The following FANCM variants were observed in gnomAD, a reference collection of about 807,000 sequenced individuals.
The protein encoded by FANCM is FA complementation group M, also known as Fanconi anemia group M protein.
Under a neutral mutation model 199.5 loss-of-function variants are expected in FANCM, and 140 were observed. The ratio of observed to expected loss-of-function variants is 0.70; its 90% CI spans 0.61 to 0.81. FANCM has a LOEUF of 0.81. Ranked by LOEUF, FANCM falls within the 30% of genes least tolerant of loss-of-function variation. FANCM has a pLI of 0.00. For missense variants in FANCM, 2,410 were observed against 2,421.4 expected, an observed-to-expected ratio of 1.00 and a Z score of 0.10; for synonymous variants, 840 against 836.8, an observed-to-expected ratio of 1.00 and a Z score of -0.07.
chr14:45,147,042 C>T (rs886328854), intron 3 of FANCM, among the ~76,000 whole-genome samples: 2 of 152,084 alleles, frequency 1.3e-5, no homozygotes, highest in African/African-American at 2.4e-5. Flanking sequence ...GGTCGTTTCT[C>T]TGTCATTAAC....
intron 16 of FANCM, among the ~76,000 whole-genome samples, chr14:45,182,457 G>A (rs925230689): frequency 2.0e-5 from 3 of 152,170 alleles, no homozygotes; most frequent in Non-Finnish European, 2.9e-5. Flanking sequence ...TTTGGCTTGA[G>A]CTGTTTGGCA....
Position 45,189,077 on chromosome 14 carries a change from A to G in FANCM, c.5055A>G (p.Glu1685=), listed in dbSNP as rs1889594871. 6.2e-7 allele frequency: 1 copy of G among 1,614,082 alleles called. No homozygotes were observed. The highest frequency in any genetic ancestry group is 1.1e-5 in the South Asian group (1 of 91,096). The part of the protein sequence containing the change: ...EEENNVNDKR[E]SNIAVNPSTV... Reference sequence around the variant, plus strand: ...AGAACAATGTAAATGATAAAAGAGAATCTAATATTGCGGTTAACCCAAGCA... The same window carrying G: ...AGAACAATGTAAATGATAAAAGAGAGTCTAATATTGCGGTTAACCCAAGCA... Residue 1685 remains glutamate, a synonymous_variant, in exon 20 of 23, where the codon GAA becomes GAG. Coordinates refer to ENST00000267430, the MANE Select transcript of FANCM (RefSeq NM_020937.4).
chr14:45,149,374 G>A (rs1293277765), intron 4 of FANCM, among the ~76,000 whole-genome samples: 2 of 151,890 alleles, frequency 1.3e-5, no homozygotes, highest in East Asian at 1.9e-4. Context: ...GCACACACCC[G>A]TAACATGAAC....
Position 45,176,526 on chromosome 14 carries a change from GATCT to G in FANCM, c.3775_3778del (p.Leu1259MetfsTer10). The G allele has an allele frequency of 2.5e-6, 4 of 1,600,648 alleles. No homozygotes were observed. Among genetic ancestry groups the G allele is most frequent in the Non-Finnish European group, 3.4e-6 (4 of 1,173,426 alleles). On this transcript the variant is annotated frameshift_variant, in exon 14 of 23. Coordinates refer to ENST00000267430, the MANE Select transcript of FANCM (RefSeq NM_020937.4). LOFTEE classifies it high-confidence loss of function. ...ATCAGATAGCAATAGACCTCTAGAT[GATCT>G]ATATGGAAGGTATTTGGAAATTAAG...
intron 20 of FANCM, chr14:45,195,414 G>T: frequency 1.7e-5 from 7 of 409,172 alleles, no homozygotes; most frequent in Admixed American, 1.2e-4. Context: ...TTTCCTTTCT[G>T]TTTTTATGGA....
At chr14:45,173,001 T>C in intron 12 of FANCM, 54 bp from the exon 13 acceptor site, 1 of 1,356,976 alleles carries the variant, frequency 7.4e-7, no homozygotes, top group Non-Finnish European at 1.1e-6. Flanking sequence ...TTAAAATTAG[T>C]TTGTGAAATC....
Position 45,196,287 on chromosome 14 carries a change from GTA to G in FANCM, c.5458_5459del (p.Ile1820SerfsTer6). ...CTTCCGCAGGAAGGAAAAGGAACCT[GTA>G]TTCTTGTAGGTGGTCATGAAATCAC... On this transcript the variant is annotated frameshift_variant, in exon 21 of 23. Transcript: ENST00000267430. LOFTEE classifies it high-confidence loss of function. 6.2e-7 allele frequency: 1 copy of G among 1,614,118 alleles called. No individual in the cohort carries two copies. Among genetic ancestry groups the G allele is most frequent in the South Asian group, 1.1e-5 (1 of 91,080 alleles).
At chr14:45,151,281 C>T (rs1402565902) in intron 4 of FANCM, 116 bp from the exon 5 acceptor site, 2 of 818,638 alleles carry the variant, frequency 2.4e-6, no homozygotes, top group Non-Finnish European at 2.0e-6. Context: ...CTTAAACATT[C>T]ATTGTAAGAC....
At chr14:45,144,062 C>T (rs1374906778) in intron 3 of FANCM, among the ~76,000 whole-genome samples, 3 of 151,428 alleles carry the variant, frequency 2.0e-5, no homozygotes, top group Non-Finnish European at 2.9e-5. Context: ...TTTATGGGTA[C>T]ATAGTAGGTA....
At chr14:45,170,869 A>G in intron 12 of FANCM, 123 bp downstream of exon 12, 1 of 830,694 alleles carries the variant, frequency 1.2e-6, no homozygotes, top group East Asian at 2.6e-5. Context: ...TGTGATTGGA[A>G]TGTCAACTTA....
At chr14:45,190,977 C>A (rs979322355) in intron 20 of FANCM, among the ~76,000 whole-genome samples, 2 of 152,158 alleles carry the variant, frequency 1.3e-5, no homozygotes, top group East Asian at 1.9e-4. Context: ...ATGTGATCCT[C>A]CTACCTCAGC....
At chr14:45,157,971 CAG>C (rs1887316028) in intron 8 of FANCM, among the ~76,000 whole-genome samples, 1 of 151,982 alleles carries the variant, frequency 6.6e-6, no homozygotes, top group South Asian at 2.1e-4. Context: ...CTGAGGTGGG[CAG>C]ATCTCTTCAG....
In FANCM at chr14:45,138,117, TATTC is replaced by T. The variant is rs755698484; in HGVS notation, c.681+880_681+883del. Among the ~76,000 whole-genome samples the T allele has an allele frequency of 1.8e-4, 28 of 152,172 alleles. 1 individual carries two copies. The highest frequency in any genetic ancestry group is 7.3e-5 in the Non-Finnish European group (5 of 68,032). On this transcript the variant is annotated intron_variant, in intron 2 of 22. Coordinates refer to ENST00000267430, the MANE Select transcript of FANCM (RefSeq NM_020937.4). The stretch of plus-strand genomic sequence containing the variant: ...TGTCTATGAGGAATTCAGCTGTAGA[TATTC>T]ATTAGGCGATACTTGATAGAAGTAT...
chr14:45,139,409 C>A (rs1885752665), intron 2 of FANCM, among the ~76,000 whole-genome samples: 1 of 151,992 alleles, frequency 6.6e-6, no homozygotes, highest in South Asian at 2.1e-4. Context: ...ATTGTTTAAT[C>A]CTGTGTTTAA....
chr14:45,148,498 C>T (rs1315564895), intron 3 of FANCM, among the ~76,000 whole-genome samples: 2 of 152,028 alleles, frequency 1.3e-5, no homozygotes, highest in East Asian at 3.9e-4. Context: ...TTGAGTATTG[C>T]TAATCTGAAA....
chr14:45,194,411 G>A (rs978750358), intron 20 of FANCM, among the ~76,000 whole-genome samples: 1 of 151,438 alleles, frequency 6.6e-6, no homozygotes, highest in South Asian at 2.1e-4. Flanking sequence ...TACATACTTC[G>A]CTTTGTTTAT....
intron 14 of FANCM, among the ~76,000 whole-genome samples, chr14:45,177,439 T>C (rs1888783180): frequency 6.6e-6 from 1 of 152,178 alleles, no homozygotes; most frequent in Non-Finnish European, 1.5e-5. Context: ...TTGCCCAGGC[T>C]GGAGTGCAAT....
rs61753893 is a variant in FANCM, at chr14:45,167,125, A to G, written c.1964A>G (p.Asn655Ser). ...GVYEPEKPSR[N>S]LQRKSSIFSY... ...TATGAACCAGAGAAGCCTTCTCGGA[A>G]CTTGCAGCGAAAGTCATCTATCTTT... is the stretch of plus-strand genomic sequence containing the variant. The change falls in exon 11 of 23, where the codon AAC becomes AGC. Residue 655 changes from asparagine to serine, a missense_variant. Transcript: ENST00000267430. The G allele has an allele frequency of 0.016, 25,279 of 1,613,416 alleles. 265 individuals carry two copies. Among genetic ancestry groups the G allele is most frequent in the Non-Finnish European group, 0.019 (22,510 of 1,179,348 alleles).
At chr14:45,165,504 C>T in intron 10 of FANCM, among the ~76,000 whole-genome samples, 1 of 152,046 alleles carries the variant, frequency 6.6e-6, no homozygotes, top group East Asian at 1.9e-4. Flanking sequence ...ACCAAGATCC[C>T]ACCACTGCAC....
Sources: allele counts gnomAD v4.1 joint callset (sites outside exome capture counted in the v4.1 genomes callset), GRCh38; gene constraint gnomAD v4.1.1; transcripts MANE v1.5; gene names NCBI Gene and HGNC (gene_info 2026-07-23, HGNC 2026-07-21).